The following TPO variants were observed in gnomAD, a reference collection of about 807,000 sequenced individuals.
TPO encodes the protein thyroid peroxidase.
TPO carries 78 observed loss-of-function variants against 96.9 expected under a neutral mutation model. The ratio of observed to expected loss-of-function variants is 0.81; its 90% CI spans 0.67 to 0.97. The LOEUF is 0.97. Ranked by LOEUF, TPO falls within the 50% of genes least tolerant of loss-of-function variation. TPO has a pLI of 0.00. For missense variants in TPO, 1,252 were observed against 1,274.8 expected, an observed-to-expected ratio of 0.98 and a Z score of 0.27; for synonymous variants, 547 against 538.0, an observed-to-expected ratio of 1.02 and a Z score of -0.23.
At chr2:1,523,747 C>T (rs114589624) in intron 15 of TPO, among the ~76,000 whole-genome samples, 10,202 of 111,124 alleles carry the variant, frequency 0.092, 637 homozygotes, top group Middle Eastern at 0.14. Context: ...GTGTGCAACC[C>T]CCCCAAATAC....
chr2:1,458,637 G>C (rs1393843785), intron 7 of TPO, among the ~76,000 whole-genome samples: 2 of 152,128 alleles, frequency 1.3e-5, no homozygotes, highest in Non-Finnish European at 2.9e-5. Flanking sequence ...TAGCATATTA[G>C]TTTGTGGGCA....
intron 15 of TPO, among the ~76,000 whole-genome samples, chr2:1,537,185 AGCAACCTCCCCAAATCCCCCCACTGTGT>A (rs1431956779): frequency 2.8e-5 from 1 of 35,376 alleles, no homozygotes; most frequent in East Asian, 8.4e-4. Context: ...CCAACTGTGT[AGCAACCTCCCCAAATCCCCCCACTGTGT>A]GCCACCTCCC....
intron 1 of TPO, among the ~76,000 whole-genome samples, chr2:1,384,450 G>A (rs1661856539): frequency 6.6e-6 from 1 of 152,040 alleles, no homozygotes; most frequent in Non-Finnish European, 1.5e-5. Context: ...TGGATTCCTA[G>A]GTATTTTATT....
intron 1 of TPO, among the ~76,000 whole-genome samples, chr2:1,389,885 T>A (rs1490817628): frequency 6.6e-6 from 1 of 152,194 alleles, no homozygotes; most frequent in Non-Finnish European, 1.5e-5. Flanking sequence ...GACACTTAGA[T>A]CAAATTGCTA....
chr2:1,481,595 G>A (rs1033411763), intron 8 of TPO, among the ~76,000 whole-genome samples: 2 of 152,110 alleles, frequency 1.3e-5, no homozygotes, highest in East Asian at 1.9e-4. Flanking sequence ...TCCATGTCTC[G>A]GGGCAGGGGC....
chr2:1,377,521 T>C (rs149961700), intron 1 of TPO, among the ~76,000 whole-genome samples: 1 of 152,166 alleles, frequency 6.6e-6, no homozygotes, highest in East Asian at 1.9e-4. Context: ...TTTCTGCACC[T>C]TCACAAGAGC....
intron 4 of TPO, among the ~76,000 whole-genome samples, chr2:1,435,002 C>T (rs575908124): frequency 1.3e-5 from 2 of 152,152 alleles, no homozygotes; most frequent in Admixed American, 6.5e-5. Context: ...GGGGCGATCT[C>T]GGCTCACTGC....
At chr2:1,520,561 G>C (rs536991668) in intron 15 of TPO, among the ~76,000 whole-genome samples, 8 of 152,310 alleles carry the variant, frequency 5.3e-5, no homozygotes, top group Non-Finnish European at 1.0e-4. Context: ...GTATGTTTTG[G>C]TGTGATTGTT....
At chr2:1,526,429 C>T (rs1676516833) in intron 15 of TPO, among the ~76,000 whole-genome samples, 1 of 117,658 alleles carries the variant, frequency 8.5e-6, no homozygotes, top group Non-Finnish European at 1.7e-5. Context: ...TGTGTGAAAC[C>T]TCAAATCCCC....
intron 7 of TPO, among the ~76,000 whole-genome samples, chr2:1,462,855 C>T (rs1419066794): frequency 6.6e-6 from 1 of 152,162 alleles, no homozygotes; most frequent in Non-Finnish European, 1.5e-5. Context: ...AAACTTTAAA[C>T]GTTGATCACA....
Position 1,425,154 on chromosome 2 carries a change from G to T in TPO, c.179+2025G>T, listed in dbSNP as rs545737935. 5.3e-4 allele frequency among the ~76,000 whole-genome samples: 80 copies of T among 152,030 alleles called. 1 individual carries two copies. Among genetic ancestry groups the T allele is most frequent in the Middle Eastern group, 3.4e-3 (1 of 290 alleles). The stretch of plus-strand genomic sequence containing the variant: ...GTTCTAGATGCCGGGATACAGAGAT[G>T]AGTTAGATTATTTCATATTCTCAGA... On this transcript the variant is annotated intron_variant, in intron 3 of 16. Coordinates refer to ENST00000329066, the MANE Select transcript of TPO (RefSeq NM_001206744.2).
At chr2:1,394,501 C>G (rs1481622501) in intron 1 of TPO, among the ~76,000 whole-genome samples, 1 of 152,176 alleles carries the variant, frequency 6.6e-6, no homozygotes. Context: ...GTGCCTGGAT[C>G]CAGACCCGCC....
intron 15 of TPO, among the ~76,000 whole-genome samples, chr2:1,528,495 C>G (rs551562339): frequency 1.4e-5 from 2 of 146,234 alleles, no homozygotes; most frequent in East Asian, 2.3e-4. Context: ...CAAATCCCCC[C>G]TTCTGTGCAA....
intron 7 of TPO, among the ~76,000 whole-genome samples, chr2:1,467,117 T>A (rs1668969056): frequency 6.6e-6 from 1 of 152,046 alleles, no homozygotes; most frequent in African/African-American, 2.4e-5. Context: ...ATTTTTTTTT[T>A]TTTGAGATGG....
At chr2:1,388,156 T>C (rs570002541) in intron 1 of TPO, among the ~76,000 whole-genome samples, 1 of 152,282 alleles carries the variant, frequency 6.6e-6, no homozygotes, top group East Asian at 1.9e-4. Context: ...ACTTGGGGGT[T>C]AGGGACCCTC....
chr2:1,529,197 A>C (rs1443111184), intron 15 of TPO, among the ~76,000 whole-genome samples: 5 of 28,986 alleles, frequency 1.7e-4, no homozygotes, highest in Admixed American at 5.6e-4. Context: ...AATCCCCCCC[A>C]CTCTGTGCAA....
intron 10 of TPO, among the ~76,000 whole-genome samples, chr2:1,493,496 AGCTGG>A (rs1672002728): frequency 1.1e-5 from 1 of 88,648 alleles, no homozygotes; most frequent in African/African-American, 3.7e-5. Context: ...CCGGCATCTG[AGCTGG>A]AATATCCTAG....
chr2:1,424,293 T>C (rs1664095292), intron 3 of TPO, among the ~76,000 whole-genome samples: 1 of 94,672 alleles, frequency 1.1e-5, no homozygotes, highest in African/African-American at 4.1e-5. Flanking sequence ...TGTTAAGGGG[T>C]TGTGGACACC....
chr2:1,388,889 C>G (rs1229692889), intron 1 of TPO, among the ~76,000 whole-genome samples: 2 of 152,200 alleles, frequency 1.3e-5, no homozygotes, highest in Non-Finnish European at 2.9e-5. Flanking sequence ...GTATTTCCAC[C>G]TGTACCTTCC....
Sources: gnomAD v4.1 joint callset for allele counts (sites outside exome capture counted in the v4.1 genomes callset) on GRCh38, gnomAD v4.1.1 for gene constraint, MANE v1.5 for transcripts, NCBI Gene and HGNC (gene_info 2026-07-23, HGNC 2026-07-21) for gene names.